PPP3CA: variants seen among roughly 807,000 people sequenced by gnomAD.
PPP3CA encodes the protein CAM-PRP catalytic subunit.
PPP3CA carries 14 observed loss-of-function variants against 66.5 expected under a neutral mutation model. That is an observed-to-expected ratio of 0.21 (90% confidence interval 0.14 to 0.33). PPP3CA has a LOEUF of 0.33. Ranked by LOEUF, PPP3CA falls within the 10% of genes least tolerant of loss-of-function variation. The probability of loss-of-function intolerance (pLI) is 1.00; values close to 1 mark genes in which losing one functional copy is unlikely to be tolerated. For missense variants in PPP3CA, 317 were observed against 639.5 expected (o/e 0.50, Z 5.44); for synonymous variants, 232 against 226.2 (o/e 1.03, Z -0.23).
At chr4:101,210,130 C>T (rs1331484633) in intron 1 of PPP3CA, among the ~76,000 whole-genome samples, 1 of 152,126 alleles carries the variant, frequency 6.6e-6, no homozygotes, top group Non-Finnish European at 1.5e-5. Context: ...CCAAGCTTTC[C>T]TCACCATTAC....
At chr4:101,107,018 GGTCT>G (rs1730784728) in intron 3 of PPP3CA, among the ~76,000 whole-genome samples, 1 of 152,086 alleles carries the variant, frequency 6.6e-6, no homozygotes, top group Non-Finnish European at 1.5e-5. Flanking sequence ...GTGATATAAA[GGTCT>G]TACAAAATTA....
At chr4:101,206,841 A>G (rs1013062327) in intron 1 of PPP3CA, among the ~76,000 whole-genome samples, 2 of 152,234 alleles carry the variant, frequency 1.3e-5, no homozygotes, top group African/African-American at 4.8e-5. Context: ...CTAAAAGTAT[A>G]TAATTATAAA....
At chr4:101,040,743 T>G (rs925686808) in intron 10 of PPP3CA, among the ~76,000 whole-genome samples, 177 bp from the exon 11 acceptor site, 1 of 152,118 alleles carries the variant, frequency 6.6e-6, no homozygotes, top group African/African-American at 2.4e-5. Flanking sequence ...CCACCAATAC[T>G]AGGATGTGAT....
chr4:101,196,125 A>T lies in PPP3CA; in HGVS notation c.59-9T>A. 6.2e-7 allele frequency: 1 copy of T among 1,613,034 alleles called. No individual in the cohort carries two copies. The highest frequency in any genetic ancestry group is 8.5e-7 in the Non-Finnish European group (1 of 1,179,492). ...TGGAGGAAATGGAACAGCTGAAAGA[A>T]GAAAGGTCTAATTATTACATTAGCC... On this transcript the variant is annotated splice_polypyrimidine_tract_variant and intron_variant, in intron 1 of 13. Transcript: ENST00000394854.
chr4:101,335,454 T>C (rs1306276958), intron 1 of PPP3CA, among the ~76,000 whole-genome samples: 2 of 152,122 alleles, frequency 1.3e-5, no homozygotes, highest in Non-Finnish European at 2.9e-5. Flanking sequence ...TATGCTTTCA[T>C]CCTGTCTTTA....
chr4:101,130,069 G>A (rs537810161), intron 2 of PPP3CA, among the ~76,000 whole-genome samples: 7 of 152,128 alleles, frequency 4.6e-5, no homozygotes, highest in African/African-American at 1.4e-4. Flanking sequence ...ACCTGATGGA[G>A]CTGAAAAACA....
chr4:101,051,277 A>G (rs1306888158), intron 10 of PPP3CA, among the ~76,000 whole-genome samples: 1 of 152,136 alleles, frequency 6.6e-6, no homozygotes, highest in Non-Finnish European at 1.5e-5. Context: ...TTTTGTGGAC[A>G]TTTATTGAAC....
intron 10 of PPP3CA, among the ~76,000 whole-genome samples, chr4:101,058,351 A>C (rs1268156635): frequency 6.6e-6 from 1 of 152,186 alleles, no homozygotes; most frequent in Non-Finnish European, 1.5e-5. Context: ...AAATAACTTA[A>C]TGATGTTTAA....
At chr4:101,202,307 C>T (rs922186066) in intron 1 of PPP3CA, among the ~76,000 whole-genome samples, 54 of 152,044 alleles carry the variant, frequency 3.6e-4, no homozygotes, top group Admixed American at 9.2e-4. Context: ...TAAAAAGTAG[C>T]TCCACCACCA....
intron 1 of PPP3CA, among the ~76,000 whole-genome samples, chr4:101,293,475 G>A (rs553074428): frequency 2.0e-5 from 3 of 152,306 alleles, no homozygotes; most frequent in Non-Finnish European, 4.4e-5. Flanking sequence ...TCTCTTTGAT[G>A]TTTACCTATT....
chr4:101,259,566 A>C (rs797019152), intron 1 of PPP3CA, among the ~76,000 whole-genome samples: 4 of 152,314 alleles, frequency 2.6e-5, no homozygotes, highest in African/African-American at 9.6e-5. Context: ...TGCTAGCTTA[A>C]AAAATGTGTT....
At chr4:101,090,446 C>G (rs1472554477) in intron 6 of PPP3CA, among the ~76,000 whole-genome samples, 2 of 151,764 alleles carry the variant, frequency 1.3e-5, no homozygotes, top group Non-Finnish European at 2.9e-5. Flanking sequence ...TGAGACCAGC[C>G]TGACCAACAT....
intron 2 of PPP3CA, among the ~76,000 whole-genome samples, chr4:101,165,761 T>A (rs1262541421): frequency 1.3e-5 from 2 of 152,152 alleles, no homozygotes; most frequent in Non-Finnish European, 2.9e-5. Flanking sequence ...ATTTATCAGA[T>A]AACATTACTG....
chr4:101,040,392 A>G (rs1727460501), intron 11 of PPP3CA, 90 bp downstream of exon 11: 1 of 890,660 alleles, frequency 1.1e-6, no homozygotes, highest in Non-Finnish European at 1.6e-6. Context: ...CTCTAGTAAA[A>G]TATTTAAATT....
At chr4:101,271,317 A>T (rs1727330263) in intron 1 of PPP3CA, among the ~76,000 whole-genome samples, 1 of 152,106 alleles carries the variant, frequency 6.6e-6, no homozygotes, top group African/African-American at 2.4e-5. Flanking sequence ...TTTCGATTCA[A>T]CCAATAAGAA....
chr4:101,216,226 T>C (rs1267558708), intron 1 of PPP3CA, among the ~76,000 whole-genome samples: 1 of 152,174 alleles, frequency 6.6e-6, no homozygotes, highest in East Asian at 1.9e-4. Context: ...TATTTAAACG[T>C]TGTACCCTGT....
intron 1 of PPP3CA, among the ~76,000 whole-genome samples, chr4:101,346,206 G>A (rs1352356300): frequency 6.6e-6 from 1 of 152,006 alleles, no homozygotes; most frequent in Non-Finnish European, 1.5e-5. Context: ...AGGGGGAGGG[G>A]GGCGCGGAGG....
At chr4:101,266,129 A>G (rs895432630) in intron 1 of PPP3CA, among the ~76,000 whole-genome samples, 1 of 152,058 alleles carries the variant, frequency 6.6e-6, no homozygotes, top group Admixed American at 6.5e-5. Flanking sequence ...ATAATTCCAG[A>G]CTGTTTTCAC....
chr4:101,169,934 T>C (rs1723820723), intron 2 of PPP3CA, among the ~76,000 whole-genome samples: 1 of 152,204 alleles, frequency 6.6e-6, no homozygotes, highest in South Asian at 2.1e-4. Context: ...GTAAGTGTCA[T>C]GCAGTATATT....
Sources: allele counts gnomAD v4.1 joint callset (sites outside exome capture counted in the v4.1 genomes callset), GRCh38; gene constraint gnomAD v4.1.1; transcripts MANE v1.5; gene names NCBI Gene and HGNC (gene_info 2026-07-23, HGNC 2026-07-21).